Variants in CLPTM1L observed in about 807,000 individuals in gnomAD.
CLPTM1L encodes the protein CLPTM1 like.
Under a neutral mutation model 70.9 loss-of-function variants are expected in CLPTM1L, and 38 were observed. That is an observed-to-expected ratio of 0.54 (90% CI 0.41 to 0.70). The LOEUF (loss-of-function observed/expected upper bound fraction) is 0.70. CLPTM1L is among the 30% of genes least tolerant of loss of function. The pLI is 0.00. For missense variants in CLPTM1L, 652 were observed against 705.9 expected, an observed-to-expected ratio of 0.92 and a Z score of 0.87; for synonymous variants, 339 against 299.9, an observed-to-expected ratio of 1.13 and a Z score of -1.35.
At chr5:1,331,468 G>A (rs951466692) in intron 8 of CLPTM1L, 2 of 410,794 alleles carry the variant, frequency 4.9e-6, no homozygotes, top group East Asian at 3.7e-5. Context: ...CCTGCTCAGC[G>A]CCCATGAGCA....
At position 1,330,589 on chromosome 5, in the gene CLPTM1L, A is replaced by G. The variant is rs185293419; in HGVS notation, c.977-206T>C. The G allele has an allele frequency of 1.6e-5, 9 of 561,806 alleles. 1 individual carries two copies. In the Admixed American group the frequency reaches 2.8e-4, roughly 17 times the overall value. 34.8% of individuals were successfully genotyped at this position (561,806 alleles called of 1,614,324 possible). A position where few individuals can be genotyped will look rare whatever the true frequency, so the allele number is the denominator to read the frequency against. On this transcript the variant is annotated intron_variant, in intron 8 of 16. Coordinates refer to ENST00000320895, the MANE Select transcript of CLPTM1L (RefSeq NM_030782.5). ...TGTTTGGAAGGCTGCTGAACTGAAC[A>G]GCTGGCCCCACACCAGCTCCACAAA...
chr5:1,333,490 A>G (rs62329702), intron 7 of CLPTM1L, among the ~76,000 whole-genome samples: 430 of 4,030 alleles, frequency 0.11, 10 homozygotes, highest in Middle Eastern at 0.33. Flanking sequence ...TATACACACC[A>G]GATGAGGATA....
chr5:1,333,765 C>CG (rs1753351025), intron 7 of CLPTM1L, among the ~76,000 whole-genome samples: 1 of 31,256 alleles, frequency 3.2e-5, no homozygotes, highest in African/African-American at 9.6e-5. Flanking sequence ...GTATACACAC[C>CG]GGATGAGGAT....
chr5:1,320,566 G>C (rs1254824116), intron 16 of CLPTM1L, 50 bp downstream of exon 16: 20 of 1,023,092 alleles, frequency 2.0e-5, no homozygotes, highest in Non-Finnish European at 2.8e-5. Context: ...TTCAGCAGCA[G>C]CCACGCCGCT....
intron 8 of CLPTM1L, 136 bp downstream of exon 8, chr5:1,331,663 A>G (rs950868306): frequency 2.7e-5 from 20 of 729,162 alleles, no homozygotes; most frequent in Non-Finnish European, 4.4e-5. Context: ...GCCTGGTCTC[A>G]GAGGCTTCTC....
chr5:1,332,876 T>C (rs774708027), intron 7 of CLPTM1L, among the ~76,000 whole-genome samples: 1 of 152,246 alleles, frequency 6.6e-6, no homozygotes, highest in Non-Finnish European at 1.5e-5. Flanking sequence ...AATGAGGGTC[T>C]TTGAACACAC....
Position 1,344,686 on chromosome 5 carries a change from C to A in CLPTM1L, c.156G>T (p.Lys52Asn). Residue 52 changes from lysine to asparagine, a missense_variant, in exon 1 of 17, where the codon AAG becomes AAT. By Grantham distance (94) the Lys-to-Asn change is moderately conservative. Transcript: ENST00000320895. ...CGGCCCCGCGGACGCTCACCTGCAG[C>A]TTGGGCCGCCGCGCCAGGTAGGGCT... ...CIQPYLARRP[K>N]LQLSVYTTTR... 2 of 1,559,804 alleles carry A rather than the reference C, an allele frequency of 1.3e-6. No homozygotes were observed. Among genetic ancestry groups the A allele is most frequent in the Non-Finnish European group, 1.7e-6 (2 of 1,153,432 alleles).
chr5:1,335,418 A>G (rs942395857), intron 5 of CLPTM1L, among the ~76,000 whole-genome samples: 1 of 152,226 alleles, frequency 6.6e-6, no homozygotes, highest in African/African-American at 2.4e-5. Context: ...CAGCAGCGCT[A>G]GCAGTGCCTG....
At chr5:1,322,787 G>A in intron 13 of CLPTM1L, 90 bp downstream of exon 13, 1 of 1,337,688 alleles carries the variant, frequency 7.5e-7, no homozygotes, top group Non-Finnish European at 1.1e-6. Flanking sequence ...ATCACAGGGG[G>A]GCTTGCCACA....
chr5:1,344,354 T>C lies in CLPTM1L; in HGVS notation c.260A>G (p.Glu87Gly). The C allele has an allele frequency of 6.2e-7, 1 of 1,610,324 alleles. No homozygotes were observed. Among genetic ancestry groups the C allele is most frequent in the Non-Finnish European group, 8.5e-7 (1 of 1,176,702 alleles). ...VEDFDVESKF[E>G]RTVNVSVPKK... is the part of the protein sequence containing the mutation. ...GCATTTTGTCCTACGCCCATACCTTTCAAATTTGGACTCCACATCAAAGTC... is the reference window on the plus strand; with the variant it reads ...GCATTTTGTCCTACGCCCATACCTTCCAAATTTGGACTCCACATCAAAGTC... Residue 87 changes from glutamate to glycine, a missense_variant, in exon 2 of 17, where the codon GAA becomes GGA. Transcript: ENST00000320895.
intron 6 of CLPTM1L, among the ~76,000 whole-genome samples, chr5:1,334,831 T>A (rs1356410122): frequency 6.6e-6 from 1 of 152,258 alleles, no homozygotes; most frequent in Non-Finnish European, 1.5e-5. Context: ...ACCAAACTCA[T>A]GGCATTTCAC....
chr5:1,342,253 A>G lies in CLPTM1L; in HGVS notation c.264-393T>C, dbSNP rs971659512. ...CACACACTGAATCACCCAACTCCGA[A>G]GCGACAGAAGGGAAGGGCAGCAGCC... is the stretch of plus-strand genomic sequence containing the variant. On this transcript the variant is annotated intron_variant, in intron 2 of 16. Coordinates refer to ENST00000320895, the MANE Select transcript of CLPTM1L (RefSeq NM_030782.5). The surrounding 1 kb of genome is among the most constrained non-coding windows in gnomAD (Gnocchi z 4.3). 2.0e-5 allele frequency among the ~76,000 whole-genome samples: 3 copies of G among 152,164 alleles called. No homozygotes were observed. Among genetic ancestry groups the G allele is most frequent in the African/African-American group, 7.2e-5 (3 of 41,438 alleles).
chr5:1,338,499 G>A (rs913441950), intron 4 of CLPTM1L, among the ~76,000 whole-genome samples: 4 of 152,222 alleles, frequency 2.6e-5, no homozygotes, highest in Admixed American at 6.5e-5. Flanking sequence ...CTGATGGCAA[G>A]TGATACTAAA....
At chr5:1,334,661 C>T (rs559642876) in intron 6 of CLPTM1L, among the ~76,000 whole-genome samples, 134 of 151,910 alleles carry the variant, frequency 8.8e-4, no homozygotes, top group African/African-American at 3.0e-3. Context: ...GACTGAGGAA[C>T]GAGAATCGCT....
At chr5:1,333,253 G>C (rs1197082496) in intron 7 of CLPTM1L, among the ~76,000 whole-genome samples, 1 of 87,106 alleles carries the variant, frequency 1.1e-5, no homozygotes, top group Non-Finnish European at 2.2e-5. Context: ...ATACACACCA[G>C]ATAAGGGGGG....
At chr5:1,328,340 A>C (rs1217788712) in intron 9 of CLPTM1L, among the ~76,000 whole-genome samples, 1 of 75,544 alleles carries the variant, frequency 1.3e-5, no homozygotes, top group Admixed American at 1.1e-4. Flanking sequence ...CATTTCATCC[A>C]GCTCCTCCTC....
At position 1,324,780 on chromosome 5, in the gene CLPTM1L, C is replaced by T. The variant is rs768628988; in HGVS notation, c.1180G>A (p.Glu394Lys). ...GTYSESERKT[E>K]EYDTQAMKYL... ...TGACTTACCTGAGTATCGTACTCCT[C>T]GGTTTTCCTCTCAGATTCGCTGTAA... The change falls in exon 11 of 17, where the codon GAG (glutamate) becomes AAG (lysine). Residue 394 changes from glutamate (E) to lysine (K), a missense_variant. Glu to Lys is a moderately conservative substitution (Grantham distance 56). Coordinates refer to ENST00000320895, the MANE Select transcript of CLPTM1L (RefSeq NM_030782.5). 9 of 1,614,134 alleles carry T rather than the reference C, an allele frequency of 5.6e-6. No homozygotes were observed. Among genetic ancestry groups the T allele is most frequent in the Admixed American group, 3.3e-5 (2 of 60,026 alleles).
chr5:1,322,795 A>T (rs1337574737), intron 13 of CLPTM1L, 82 bp downstream of exon 13: 2 of 1,428,616 alleles, frequency 1.4e-6, no homozygotes, highest in African/African-American at 2.8e-5. Flanking sequence ...GGGGCTTGCC[A>T]CACTGGGTTT....
Position 1,341,838 on chromosome 5 carries a change from T to C in CLPTM1L, c.286A>G (p.Lys96Glu), listed in dbSNP as rs576079563. ...FERTVNVSVPKKTRNNGTLYA... is the reference protein window; with the variant it reads ...FERTVNVSVPEKTRNNGTLYA... ...AGCGTCCCATTGTTTCTCGTTTTCT[T>C]TGGTACAGAAACATTAACTGTCCTG... Residue 96 changes from lysine (K) to glutamate (E), a missense_variant, in exon 3 of 17, where the codon AAG (lysine) becomes GAG (glutamate). By Grantham distance (56) the Lys-to-Glu change is moderately conservative. Transcript: ENST00000320895. 420 of 1,613,646 alleles carry C rather than the reference T, an allele frequency of 2.6e-4. 4 individuals carry two copies. In the South Asian group the frequency reaches 4.4e-3, roughly 17 times the overall value.
Sources: gnomAD v4.1 joint callset for allele counts (sites outside exome capture counted in the v4.1 genomes callset) on GRCh38, gnomAD v4.1.1 for gene constraint, Gnocchi (gnomAD v3.1) non-coding constraint, MANE v1.5 for transcripts, NCBI Gene and HGNC (gene_info 2026-07-23, HGNC 2026-07-21) for gene names.